The following KIRREL3 variants were observed in gnomAD, a reference collection of about 807,000 sequenced individuals.
KIRREL3 encodes the protein kin of IRRE-like protein 3.
Under a neutral mutation model 89.7 loss-of-function variants are expected in KIRREL3, and 36 were observed. The observed-to-expected ratio is 0.40, with a 90% CI of 0.31 to 0.53. The LOEUF is 0.53. Among genes scored for constraint, KIRREL3 ranks in the 20% least tolerant of loss-of-function variants. KIRREL3 has a pLI of 0.49. For missense variants in KIRREL3, 864 were observed against 1,056.6 expected (o/e 0.82, Z 2.53); for synonymous variants, 445 against 441.4 (o/e 1.01, Z -0.10).
Position 126,814,899 on chromosome 11 carries a change from G to A in KIRREL3, c.55+185556C>T, listed in dbSNP as rs935244291. Among the ~76,000 whole-genome samples, 1 of 152,112 alleles carries A rather than the reference G, an allele frequency of 6.6e-6. No homozygotes were observed. Among genetic ancestry groups the A allele is most frequent in the African/African-American group, 2.4e-5 (1 of 41,422 alleles). On this transcript the variant is annotated intron_variant, in intron 1 of 16. Transcript: ENST00000525144. The surrounding 1 kb of genome is among the most constrained non-coding windows in gnomAD (Gnocchi z 4.4). ...GCACACGTATCTATGTAACAAACCT[G>A]CACATCCTGCCCATGTACCCCAGAA...
At chr11:126,849,345 T>C (rs1157592982) in intron 1 of KIRREL3, among the ~76,000 whole-genome samples, 1 of 152,296 alleles carries the variant, frequency 6.6e-6, no homozygotes, top group East Asian at 1.9e-4. Flanking sequence ...GAAATAACCA[T>C]AAAAATGGGC....
chr11:126,841,421 C>T (rs1020583355), intron 1 of KIRREL3, among the ~76,000 whole-genome samples: 2 of 152,188 alleles, frequency 1.3e-5, no homozygotes, highest in African/African-American at 2.4e-5. Flanking sequence ...AGCACAATGC[C>T]AGGCATGTAG....
In KIRREL3 at chr11:126,486,380, C is replaced by G. The variant is rs565994619; in HGVS notation, c.434-12914G>C. 9.7e-4 allele frequency among the ~76,000 whole-genome samples: 148 copies of G among 152,286 alleles called. 1 individual carries two copies. Among genetic ancestry groups the G allele is most frequent in the Middle Eastern group, 3.4e-3 (1 of 294 alleles). The stretch of plus-strand genomic sequence containing the variant: ...TGTGGTGCTGGGTGGCTTACACTCA[C>G]CCTCCCAGTCCTGCGGAGCGAGAGA... On this transcript the variant is annotated intron_variant, in intron 4 of 16. Transcript: ENST00000525144. The surrounding 1 kb of genome is among the most constrained non-coding windows in gnomAD (Gnocchi z 6.2).
rs146329813 is a variant in KIRREL3 at position 126,856,367 on chromosome 11, A to G, written c.55+144088T>C. ...GCCTTTAAATTTTTTTTCTCACATT[A>G]TTTAATTAAACTACTTGATCTTTCT... On this transcript the variant is annotated intron_variant, in intron 1 of 16. Transcript: ENST00000525144. 7.0e-3 allele frequency among the ~76,000 whole-genome samples: 1,070 copies of G among 152,262 alleles called. 10 individuals are homozygous for G. The highest frequency in any genetic ancestry group is 8.7e-3 in the Non-Finnish European group (593 of 68,016).
In KIRREL3 at chr11:126,565,128, G is replaced by A. The variant is rs530236453; in HGVS notation, c.56-2216C>T. Among the ~76,000 whole-genome samples, 16 of 152,278 alleles carry A rather than the reference G, an allele frequency of 1.1e-4. No homozygotes were observed. The South Asian group carries it at 3.1e-3, about 30-fold the overall frequency. ...GGGCAGAAGATACTGGATGGATTTA[G>A]GCCAATGTTCCAGCTGGTCTTCTGG... On this transcript the variant is annotated intron_variant, in intron 1 of 16. Coordinates refer to ENST00000525144, the MANE Select transcript of KIRREL3 (RefSeq NM_032531.4). The surrounding 1 kb of genome is among the most constrained non-coding windows in gnomAD (Gnocchi z 5.4).
In KIRREL3 at chr11:126,484,977, G is replaced by A. The variant is rs116415410; in HGVS notation, c.434-11511C>T. Among the ~76,000 whole-genome samples the A allele has an allele frequency of 0.021, 3,264 of 152,184 alleles. 116 individuals carry two copies. The highest frequency in any genetic ancestry group is 0.07 in the African/African-American group (2,911 of 41,526). On this transcript the variant is annotated intron_variant, in intron 4 of 16. Coordinates refer to ENST00000525144, the MANE Select transcript of KIRREL3 (RefSeq NM_032531.4). This position sits in a 1 kb window ranked among gnomAD's most constrained non-coding sequence, Gnocchi z 5.2. ...ATTACAGGCACCTGCCACCACGCCT[G>A]GCTGATATTTTTTGGTACTTTTGGT... is the stretch of plus-strand genomic sequence containing the variant.
chr11:126,548,619 C>T (rs1017692521), intron 2 of KIRREL3, among the ~76,000 whole-genome samples: 4 of 152,264 alleles, frequency 2.6e-5, no homozygotes, highest in Non-Finnish European at 5.9e-5. Flanking sequence ...CCAACCCTCC[C>T]GCTGGCACCT....
rs1958945884 is a variant in KIRREL3, at chr11:126,531,580, G to GC, written c.134-4894dup. On this transcript the variant is annotated intron_variant, in intron 2 of 16. Coordinates refer to ENST00000525144, the MANE Select transcript of KIRREL3 (RefSeq NM_032531.4). The surrounding 1 kb of genome is among the most constrained non-coding windows in gnomAD (Gnocchi z 4.7). Reference sequence around the variant, plus strand: ...CCCACCCAAGGCTCCCCCACCCAAGGCCCCCCCTAAGCAACCCCACCTATC... The same window carrying GC: ...CCCACCCAAGGCTCCCCCACCCAAGGCCCCCCCCTAAGCAACCCCACCTATC... Among the ~76,000 whole-genome samples, 2 of 140,294 alleles carry GC rather than the reference G, an allele frequency of 1.4e-5. No homozygotes were observed. The highest frequency in any genetic ancestry group is 3.6e-3 in the Middle Eastern group (1 of 280). The allele number at this position is 140,294 out of a possible 152,430, so 92.0% of individuals were successfully genotyped here.
rs947220072 is a variant in KIRREL3 at position 126,515,113 on chromosome 11, G to A, written c.433+6202C>T. Among the ~76,000 whole-genome samples the A allele has an allele frequency of 6.6e-6, 1 of 152,144 alleles. No individual in the cohort carries two copies. Among genetic ancestry groups the A allele is most frequent in the Non-Finnish European group, 1.5e-5 (1 of 68,028 alleles). On this transcript the variant is annotated intron_variant, in intron 4 of 16. Coordinates refer to ENST00000525144, the MANE Select transcript of KIRREL3 (RefSeq NM_032531.4). This position sits in a 1 kb window ranked among gnomAD's most constrained non-coding sequence, Gnocchi z 4.2. ...ACAGTTACTCTCAACATAGCGTGTC[G>A]AGACCTGTAATCAAGGTGCATAAGG...
At position 126,668,741 on chromosome 11, in the gene KIRREL3, CTTTCTTTCTTTCTTTTTTCTCTT is replaced by C; in HGVS notation, c.56-105852_56-105830del. ...TCTTTCTTTCTTTCTTTCTTTCTTT[CTTTCTTTCTTTCTTTTTTCTCTT>C]TCTTTCTTTCAAAAAAGTTCAATTC... On this transcript the variant is annotated intron_variant, in intron 1 of 16. Transcript: ENST00000525144. This position sits in a 1 kb window ranked among gnomAD's most constrained non-coding sequence, Gnocchi z 4.4. Among the ~76,000 whole-genome samples, 2 of 130,928 alleles carry C rather than the reference CTTTCTTTCTTTCTTTTTTCTCTT, an allele frequency of 1.5e-5. No homozygotes were observed. Among genetic ancestry groups the C allele is most frequent in the South Asian group, 5.5e-4 (2 of 3,624 alleles). 85.9% of individuals were successfully genotyped at this position (130,928 alleles called of 152,430 possible).
chr11:126,487,965 G>A lies in KIRREL3; in HGVS notation c.434-14499C>T, dbSNP rs796391102. ...CTACGGGGTGCCGCTCACAGAAGGC[G>A]GAGGTGGAGGGAGGGAATGGCCTCT... On this transcript the variant is annotated intron_variant, in intron 4 of 16. Coordinates refer to ENST00000525144, the MANE Select transcript of KIRREL3 (RefSeq NM_032531.4). Among the ~76,000 whole-genome samples, 19 of 152,392 alleles carry A rather than the reference G, an allele frequency of 1.2e-4. 1 individual carries two copies. In the South Asian group the frequency reaches 2.9e-3, roughly 23 times the overall value.
intron 1 of KIRREL3, among the ~76,000 whole-genome samples, chr11:126,667,710 T>G (rs557784818): frequency 6.6e-6 from 1 of 152,200 alleles, no homozygotes; most frequent in Non-Finnish European, 1.5e-5. Context: ...GGGGCCTCAA[T>G]TGGGATATTT....
In KIRREL3 at chr11:126,997,955, G is replaced by T. The variant is rs561958737; in HGVS notation, c.55+2500C>A. Among the ~76,000 whole-genome samples the T allele has an allele frequency of 1.3e-5, 2 of 152,124 alleles. No individual in the cohort carries two copies. The highest frequency in any genetic ancestry group is 2.1e-4 in the South Asian group (1 of 4,820). ...TTTCCTGGGAGAGGCATCCCAGCATGCAGGAGGCAGGGGTCAAGCAGGTGG... is the reference window on the plus strand; with the variant it reads ...TTTCCTGGGAGAGGCATCCCAGCATTCAGGAGGCAGGGGTCAAGCAGGTGG... On this transcript the variant is annotated intron_variant, in intron 1 of 16. Transcript: ENST00000525144. This position sits in a 1 kb window ranked among gnomAD's most constrained non-coding sequence, Gnocchi z 4.3.
At chr11:126,514,592 C>A (rs780678719) in intron 4 of KIRREL3, among the ~76,000 whole-genome samples, 3 of 152,184 alleles carry the variant, frequency 2.0e-5, no homozygotes, top group South Asian at 4.1e-4. Context: ...GCATAACAGG[C>A]GCTATTCTGA....
At chr11:126,511,776 C>T (rs915743139) in intron 4 of KIRREL3, among the ~76,000 whole-genome samples, 6 of 152,226 alleles carry the variant, frequency 3.9e-5, no homozygotes, top group Admixed American at 6.5e-5. Flanking sequence ...GTGGCATTTT[C>T]CTTTCTCATT....
intron 4 of KIRREL3, among the ~76,000 whole-genome samples, chr11:126,514,855 AACACAACACAACAAAACAC>A (rs1555131452): frequency 1.5e-4 from 14 of 95,966 alleles, no homozygotes; most frequent in African/African-American, 6.7e-4. Flanking sequence ...AACACAACAC[AACACAACACAACAAAACAC>A]AATTGTCATC....
intron 1 of KIRREL3, among the ~76,000 whole-genome samples, chr11:126,836,750 T>A (rs1275617089): frequency 2.0e-5 from 3 of 152,142 alleles, no homozygotes; most frequent in Admixed American, 6.5e-5. Flanking sequence ...TCCAGGGGGA[T>A]GAAGCATGCA....
chr11:126,957,527 T>C (rs1948960289), intron 1 of KIRREL3, among the ~76,000 whole-genome samples: 2 of 152,218 alleles, frequency 1.3e-5, no homozygotes, highest in Non-Finnish European at 2.9e-5. Flanking sequence ...ATATTCAGCG[T>C]CCTCAAGAAT....
intron 1 of KIRREL3, among the ~76,000 whole-genome samples, chr11:126,901,735 C>T (rs1246106458): frequency 6.6e-6 from 1 of 152,236 alleles, no homozygotes; most frequent in Non-Finnish European, 1.5e-5. Flanking sequence ...ATCTCCCCTA[C>T]ATGACTGTAT....
Sources: gnomAD v4.1 joint callset for allele counts (sites outside exome capture counted in the v4.1 genomes callset) on GRCh38, gnomAD v4.1.1 for gene constraint, Gnocchi (gnomAD v3.1) non-coding constraint, MANE v1.5 for transcripts, NCBI Gene and HGNC (gene_info 2026-07-23, HGNC 2026-07-21) for gene names.